PALB2: variants seen among roughly 807,000 people sequenced by gnomAD.
The protein encoded by PALB2 is mutant partner and localizer of BRCA2.
In PALB2, 82 loss-of-function variants were observed where a neutral mutation model predicts 107.4. The ratio of observed to expected loss-of-function variants is 0.76; its 90% CI spans 0.64 to 0.92. PALB2 has a LOEUF of 0.92. Among genes scored for constraint, PALB2 ranks in the 40% least tolerant of loss-of-function variants. The pLI is 0.00. For synonymous variants in PALB2, 489 were observed against 496.8 expected (o/e 0.98, Z 0.21); for missense variants, 1,374 against 1,379.9 (o/e 1.00, Z 0.07).
In PALB2 at chr16:23,635,357, T is replaced by G. The variant is rs367578415; in HGVS notation, c.1189A>C (p.Thr397Pro). The change falls in exon 4 of 13, where the codon ACA becomes CCA. Residue 397 changes from threonine (T) to proline (P), a missense_variant. Physicochemically the swap from Thr to Pro is conservative, Grantham distance 38. Transcript: ENST00000261584. ...GGAAACAGAAGGCCTTCAGGCACTG[T>G]GCAAGAATGTTTTTCTGCAGAAAGA... is the stretch of plus-strand genomic sequence containing the variant. ...SPLSAEKHSCTVPEGLLFPAE... is the reference protein window; with the variant it reads ...SPLSAEKHSCPVPEGLLFPAE... 2.5e-6 allele frequency: 4 copies of G among 1,613,936 alleles called. No homozygotes were observed. Among genetic ancestry groups the G allele is most frequent in the African/African-American group, 1.3e-5 (1 of 74,940 alleles).
chr16:23,632,261 T>A (rs1966885339), intron 4 of PALB2, among the ~76,000 whole-genome samples: 1 of 152,096 alleles, frequency 6.6e-6, no homozygotes, highest in Non-Finnish European at 1.5e-5. Context: ...CTGGACAACA[T>A]GGTGAAACCC....
At position 23,603,312 on chromosome 16, in the gene PALB2, A is replaced by G; in HGVS notation, c.*147T>C. 5.9e-6 allele frequency: 4 copies of G among 673,180 alleles called. No homozygotes were observed. Among genetic ancestry groups the G allele is most frequent in the East Asian group, 2.7e-5 (1 of 36,616 alleles). 41.7% of individuals were successfully genotyped at this position (673,180 alleles called of 1,614,324 possible). A position where few individuals can be genotyped will look rare whatever the true frequency, so the allele number is the denominator to read the frequency against. ...TACATCCAAGATCAGTGGTGCTACC[A>G]TCATTAGAATAAAAAATAAGTCTGT... On this transcript the variant is annotated 3_prime_UTR_variant, in exon 13 of 13. Coordinates refer to ENST00000261584, the MANE Select transcript of PALB2 (RefSeq NM_024675.4).
chr16:23,615,976 CT>C (rs1209710548), intron 10 of PALB2, among the ~76,000 whole-genome samples: 2 of 152,116 alleles, frequency 1.3e-5, no homozygotes, highest in African/African-American at 4.8e-5. Flanking sequence ...ATTTATAACT[CT>C]CATGAATCCA....
chr16:23,616,976 C>T (rs1330411893), intron 10 of PALB2, among the ~76,000 whole-genome samples: 2 of 151,954 alleles, frequency 1.3e-5, no homozygotes, highest in Admixed American at 6.6e-5. Flanking sequence ...CCACGCCTGG[C>T]GAATTTTTTG....
Position 23,603,315 on chromosome 16 carries a change from AT to A in PALB2, c.*143del. 4.4e-6 allele frequency: 3 copies of A among 684,476 alleles called. No individual in the cohort carries two copies. The Admixed American group carries it at 7.3e-5, about 17-fold the overall frequency. 42.4% of individuals were successfully genotyped at this position (684,476 alleles called of 1,614,324 possible). ...ATCCAAGATCAGTGGTGCTACCATCATTAGAATAAAAAATAAGTCTGTCTGG... is the reference window on the plus strand; with the variant it reads ...ATCCAAGATCAGTGGTGCTACCATCATAGAATAAAAAATAAGTCTGTCTGG... On this transcript the variant is annotated 3_prime_UTR_variant, in exon 13 of 13. Coordinates refer to ENST00000261584, the MANE Select transcript of PALB2 (RefSeq NM_024675.4).
At chr16:23,626,515 T>A in intron 6 of PALB2, 118 bp from the exon 7 acceptor site, 1 of 1,235,186 alleles carries the variant, frequency 8.1e-7, no homozygotes, top group Non-Finnish European at 1.2e-6. Flanking sequence ...AAAATTTAAG[T>A]CTTATGCAGG....
At position 23,629,309 on chromosome 16, in the gene PALB2, C is replaced by T. The variant is rs777353798; in HGVS notation, c.2515-34G>A. On this transcript the variant is annotated intron_variant, in intron 5 of 12. Transcript: ENST00000261584. Reference sequence around the variant, plus strand: ...ACAAAAGTCACATCATTAGTCTACACTTTATGTATAATGTCTGCCTGCATT... The same window carrying T: ...ACAAAAGTCACATCATTAGTCTACATTTTATGTATAATGTCTGCCTGCATT... 2.6e-6 allele frequency: 4 copies of T among 1,560,178 alleles called. No individual in the cohort carries two copies. In the Admixed American group the frequency reaches 5.0e-5, roughly 20 times the overall value.
Position 23,636,098 on chromosome 16 carries a change from G to C in PALB2, c.448C>G (p.Gln150Glu), listed in dbSNP as rs1597099241. The change falls in exon 4 of 13, where the codon CAG becomes GAG. Residue 150 changes from glutamine to glutamate, a missense_variant. Transcript: ENST00000261584. ...KQKLPSRRKK[Q>E]QKRTFISQER... ...TGTGAAATAAATGTCCTCTTCTGCT[G>C]CTTCTTTCTTCTGCTTGGCAGCTTC... 6 of 1,613,796 alleles carry C rather than the reference G, an allele frequency of 3.7e-6. No homozygotes were observed. The highest frequency in any genetic ancestry group is 5.1e-6 in the Non-Finnish European group (6 of 1,179,964).
chr16:23,622,330 G>C (rs530977149), intron 9 of PALB2, among the ~76,000 whole-genome samples: 1 of 152,232 alleles, frequency 6.6e-6, no homozygotes, highest in East Asian at 1.9e-4. Context: ...GGACACAAGT[G>C]TGTGGAACGA....
intron 1 of PALB2, 114 bp downstream of exon 1, chr16:23,640,996 G>T: frequency 8.5e-7 from 1 of 1,171,874 alleles, no homozygotes. Context: ...CTAAGAGGAG[G>T]GGGTGGTCAG....
rs116722618 is a variant in PALB2, at chr16:23,623,905, T to A, written c.2834+104A>T. ...ACAAATCTCTCTCTCTTTAGATCTTTCAGATTCTTTCAAGACTCAAGCCTA... is the reference window on the plus strand; with the variant it reads ...ACAAATCTCTCTCTCTTTAGATCTTACAGATTCTTTCAAGACTCAAGCCTA... On this transcript the variant is annotated intron_variant, in intron 8 of 12. Transcript: ENST00000261584. 964 of 768,818 alleles carry A rather than the reference T, an allele frequency of 1.3e-3. 8 individuals are homozygous for A. In the African/African-American group the frequency reaches 0.016, roughly 12 times the overall value. The allele number at this position is 768,818 out of a possible 1,614,324, so 47.6% of individuals were successfully genotyped here.
At chr16:23,631,638 G>C (rs959565446) in intron 4 of PALB2, among the ~76,000 whole-genome samples, 1 of 152,174 alleles carries the variant, frequency 6.6e-6, no homozygotes, top group African/African-American at 2.4e-5. Context: ...CCACTGATTT[G>C]CAGTGAAACC....
intron 12 of PALB2, among the ~76,000 whole-genome samples, chr16:23,604,880 C>G (rs1448643349): frequency 6.6e-6 from 1 of 152,064 alleles, no homozygotes; most frequent in Admixed American, 6.6e-5. Context: ...TCACGACTAG[C>G]CTGGCCAACA....
In PALB2 at chr16:23,629,922, T is replaced by C. The variant is rs1047622969; in HGVS notation, c.2232A>G (p.Glu744=). 4 of 1,614,206 alleles carry C rather than the reference T, an allele frequency of 2.5e-6. No homozygotes were observed. The highest frequency in any genetic ancestry group is 3.4e-6 in the Non-Finnish European group (4 of 1,180,044). ...TPAFGPQGSY[E]KASTEVAGRT... ...GTCCAGCAACTTCTGTAGATGCTTT[T>C]TCATAGGAGCCTTGAGGGCCAAAGG... The change falls in exon 5 of 13, where the codon GAA becomes GAG. Residue 744 remains glutamate (E), a synonymous_variant. Coordinates refer to ENST00000261584, the MANE Select transcript of PALB2 (RefSeq NM_024675.4).
intron 3 of PALB2, 86 bp downstream of exon 3, chr16:23,637,764 T>C: frequency 9.9e-7 from 1 of 1,008,254 alleles, no homozygotes; most frequent in Non-Finnish European, 1.6e-6. Flanking sequence ...AGTCATTATC[T>C]TCACACTGTG....
Position 23,641,310 on chromosome 16 carries a change from C to A in PALB2, c.-153G>T, listed in dbSNP as rs1967246103. On this transcript the variant is annotated 5_prime_UTR_variant, in exon 1 of 13. Transcript: ENST00000261584. ...TGCGCGATCAGCTGACCCACGCGGG[C>A]CAAGCGCGCCCTAAACTCCGGCCAA... The A allele has an allele frequency of 1.8e-6, 2 of 1,096,268 alleles. No individual in the cohort carries two copies. The highest frequency in any genetic ancestry group is 1.6e-5 in the African/African-American group (1 of 63,838). 67.9% of individuals were successfully genotyped at this position (1,096,268 alleles called of 1,614,324 possible). A position where few individuals can be genotyped will look rare whatever the true frequency, so the allele number is the denominator to read the frequency against.
chr16:23,636,401 T>TTTG, intron 3 of PALB2, 67 bp from the exon 4 acceptor site: 1 of 1,058,284 alleles, frequency 9.4e-7, no homozygotes, highest in Non-Finnish European at 1.3e-6. Context: ...ATACTCATTT[T>TTTG]TAACCTATTA....
chr16:23,613,001 C>T (rs989974395), intron 11 of PALB2, among the ~76,000 whole-genome samples: 1 of 151,006 alleles, frequency 6.6e-6, no homozygotes, highest in Non-Finnish European at 1.5e-5. Context: ...GTTCCACCCA[C>T]TTTGGCCTCC....
intron 10 of PALB2, among the ~76,000 whole-genome samples, chr16:23,619,896 C>T (rs1206658754): frequency 6.6e-6 from 1 of 152,064 alleles, no homozygotes; most frequent in East Asian, 1.9e-4. Flanking sequence ...TCTCCTACCT[C>T]AGCCTCCTGA....
Sources: allele counts gnomAD v4.1 joint callset (sites outside exome capture counted in the v4.1 genomes callset), GRCh38; gene constraint gnomAD v4.1.1; transcripts MANE v1.5; gene names NCBI Gene and HGNC (gene_info 2026-07-23, HGNC 2026-07-21).